Variants in SLC13A1 observed in about 807,000 individuals in gnomAD.
The protein encoded by SLC13A1 is Na(+)/sulfate cotransporter.
In SLC13A1, 65 loss-of-function variants were observed where a neutral mutation model predicts 70.0. That is an observed-to-expected ratio of 0.93 (90% confidence interval 0.76 to 1.14). The LOEUF is 1.14. Ranked by LOEUF, SLC13A1 falls within the 50% of genes most tolerant of loss-of-function variation. SLC13A1 has a pLI of 0.00. For synonymous variants in SLC13A1, 275 were observed against 250.5 expected (o/e 1.10, Z -0.92); for missense variants, 726 against 717.8 (o/e 1.01, Z -0.13).
At chr7:123,142,717 A>T (rs192778827) in intron 7 of SLC13A1, among the ~76,000 whole-genome samples, 69 of 141,920 alleles carry the variant, frequency 4.9e-4, no homozygotes, top group Admixed American at 1.9e-3. Context: ...TCCCAAATTC[A>T]AGCGATTCTC....
intron 7 of SLC13A1, among the ~76,000 whole-genome samples, chr7:123,146,847 C>G (rs1237041389): frequency 7.4e-6 from 1 of 134,790 alleles, no homozygotes; most frequent in East Asian, 2.1e-4. Context: ...TTCCTTTTCA[C>G]TTTAGTTAAC....
intron 7 of SLC13A1, among the ~76,000 whole-genome samples, chr7:123,145,682 TA>T (rs1794327096): frequency 6.6e-6 from 1 of 151,644 alleles, no homozygotes; most frequent in South Asian, 2.1e-4. Context: ...AAAAACCTTT[TA>T]AAGTTTTCTA....
At chr7:123,146,113 C>A (rs74855624) in intron 7 of SLC13A1, among the ~76,000 whole-genome samples, 1,579 of 152,222 alleles carry the variant, frequency 0.01, 17 homozygotes, top group Admixed American at 0.016. Context: ...ACTTACATAG[C>A]GCAAAATATT....
At chr7:123,125,336 C>T (rs542696477) in intron 11 of SLC13A1, among the ~76,000 whole-genome samples, 1 of 152,202 alleles carries the variant, frequency 6.6e-6, no homozygotes, top group South Asian at 2.1e-4. Context: ...GAGCCCTAGC[C>T]ATGATACAAA....
chr7:123,117,487 A>AGATGACCATATCT lies in SLC13A1; in HGVS notation c.1633_1634insAGATATGGTCATC (p.Leu545GlnfsTer9). On this transcript the variant is annotated frameshift_variant, in exon 14 of 15. Coordinates refer to ENST00000194130, the MANE Select transcript of SLC13A1 (RefSeq NM_022444.4). LOFTEE classifies it high-confidence loss of function. ...CTAACTCACCATGTCAATGACTTTC[A>AGATGACCATATCT]GATGACCATATGAAAAGACAATAGC... 11 of 1,613,436 alleles carry AGATGACCATATCT rather than the reference A, an allele frequency of 6.8e-6. No homozygotes were observed. The highest frequency in any genetic ancestry group is 9.3e-6 in the Non-Finnish European group (11 of 1,179,590).
At chr7:123,183,745 G>A (rs1181276438) in intron 1 of SLC13A1, among the ~76,000 whole-genome samples, 1 of 152,126 alleles carries the variant, frequency 6.6e-6, no homozygotes. Context: ...GTTAAAGTTT[G>A]AGAAGCACTG....
intron 7 of SLC13A1, among the ~76,000 whole-genome samples, chr7:123,140,512 C>T (rs1420974319): frequency 1.3e-5 from 2 of 151,978 alleles, no homozygotes; most frequent in Non-Finnish European, 2.9e-5. Context: ...ATTATTTCTC[C>T]TTTAAATATT....
At chr7:123,117,385 T>C in intron 14 of SLC13A1, 86 bp downstream of exon 14, 1 of 1,298,546 alleles carries the variant, frequency 7.7e-7, no homozygotes, top group Non-Finnish European at 1.1e-6. Flanking sequence ...GGTGGTTGAT[T>C]GGTGTATAAA....
chr7:123,129,631 G>T, intron 8 of SLC13A1, 150 bp from the exon 9 acceptor site: 1 of 597,690 alleles, frequency 1.7e-6, no homozygotes, highest in Non-Finnish European at 2.9e-6. Context: ...AGATATCTGT[G>T]CTTTTCACCT....
chr7:123,164,869 T>C (rs117406306), intron 6 of SLC13A1, among the ~76,000 whole-genome samples: 2,136 of 150,912 alleles, frequency 0.014, 28 homozygotes, highest in East Asian at 0.027. Context: ...AAATTTAATT[T>C]ATACCACTCT....
chr7:123,172,198 T>TG (rs1361901907), intron 2 of SLC13A1, among the ~76,000 whole-genome samples: 1 of 152,222 alleles, frequency 6.6e-6, no homozygotes, highest in Non-Finnish European at 1.5e-5. Flanking sequence ...GCATCTATAG[T>TG]GGAATGGCAA....
chr7:123,171,578 AGTT>A (rs2116561744), intron 3 of SLC13A1, among the ~76,000 whole-genome samples, 187 bp downstream of exon 3: 2 of 152,286 alleles, frequency 1.3e-5, no homozygotes, highest in Non-Finnish European at 2.9e-5. Flanking sequence ...CTGCAGTGAA[AGTT>A]GTTTTTTTTT....
intron 2 of SLC13A1, among the ~76,000 whole-genome samples, chr7:123,177,378 T>C (rs774094134): frequency 6.6e-6 from 1 of 152,166 alleles, no homozygotes; most frequent in Non-Finnish European, 1.5e-5. Context: ...TGTCTCTTTC[T>C]TTCTGTCTTG....
rs1218888790 is a variant in SLC13A1 at position 123,129,438 on chromosome 7, G to A, written c.976C>T (p.Gln326Ter). ...FKCGKTKTVQQKACAEVIKQE... is the reference protein window; with the variant it reads ...FKCGKTKTVQ ...TTAATCACCTCAGCACAAGCTTTTT[G>A]TTGGACTGTTTTGGTTTTGCCACAT... The change falls in exon 9 of 15, where the codon CAA becomes TAA. Residue 326 changes from glutamine (Q) to a stop codon, truncating the protein, a stop_gained. Transcript: ENST00000194130. LOFTEE classifies it high-confidence loss of function. 1 of 1,609,234 alleles carries A rather than the reference G, an allele frequency of 6.2e-7. No homozygotes were observed. The highest frequency in any genetic ancestry group is 8.5e-7 in the Non-Finnish European group (1 of 1,178,146).
intron 7 of SLC13A1, among the ~76,000 whole-genome samples, chr7:123,144,454 T>G (rs945577439): frequency 1.3e-5 from 2 of 152,148 alleles, no homozygotes; most frequent in Non-Finnish European, 1.5e-5. Flanking sequence ...AAATTTTTAT[T>G]TTACACAGGA....
chr7:123,131,128 A>G (rs1166126324), intron 8 of SLC13A1, among the ~76,000 whole-genome samples: 1 of 152,214 alleles, frequency 6.6e-6, no homozygotes, highest in Non-Finnish European at 1.5e-5. Flanking sequence ...ATTCATAATC[A>G]CCTTCATGCA....
intron 11 of SLC13A1, 118 bp from the exon 12 acceptor site, chr7:123,123,353 AAG>A: frequency 1.5e-6 from 1 of 645,462 alleles, no homozygotes; most frequent in South Asian, 1.9e-5. Context: ...ATTGTTTTTA[AAG>A]AGGGGAATTA....
rs118163402 is a variant in SLC13A1 at position 123,183,552 on chromosome 7, A to T, written c.100-2451T>A. ...TCCGCCTTTCAAATATTGCTTTGTC[A>T]TTCAAGAATCAACACTTAGATTGTG... is the stretch of plus-strand genomic sequence containing the variant. On this transcript the variant is annotated intron_variant, in intron 1 of 14. Coordinates refer to ENST00000194130, the MANE Select transcript of SLC13A1 (RefSeq NM_022444.4). 7.0e-3 allele frequency among the ~76,000 whole-genome samples: 1,065 copies of T among 152,280 alleles called. 6 individuals are homozygous for T. Among genetic ancestry groups the T allele is most frequent in the Admixed American group, 8.8e-3 (135 of 15,286 alleles).
chr7:123,161,298 T>G (rs989677370), intron 6 of SLC13A1, among the ~76,000 whole-genome samples: 1 of 151,238 alleles, frequency 6.6e-6, no homozygotes, highest in Middle Eastern at 3.4e-3. Context: ...CTTTAAATAA[T>G]CTTTAAAAGC....
Sources: gnomAD v4.1 joint callset for allele counts (sites outside exome capture counted in the v4.1 genomes callset) on GRCh38, gnomAD v4.1.1 for gene constraint, MANE v1.5 for transcripts, NCBI Gene and HGNC (gene_info 2026-07-23, HGNC 2026-07-21) for gene names.